Variants in TTYH2 observed in about 807,000 individuals in gnomAD.
TTYH2 encodes protein tweety homolog 2.
TTYH2 carries 49 observed loss-of-function variants against 68.3 expected under a neutral mutation model. The observed-to-expected ratio is 0.72, with a 90% CI of 0.57 to 0.91. TTYH2 has a LOEUF of 0.91. Among genes scored for constraint, TTYH2 ranks in the 40% least tolerant of loss-of-function variants. The pLI, the probability that TTYH2 is intolerant of heterozygous loss-of-function variation, is 0.00. For missense variants in TTYH2, 631 were observed against 700.4 expected, an observed-to-expected ratio of 0.90 and a Z score of 1.12; for synonymous variants, 272 against 300.8, an observed-to-expected ratio of 0.90 and a Z score of 0.99.
rs776978996 is a variant in TTYH2, at chr17:74,230,865, T to G, written c.303-23T>G. ...TCTCCTCTGTGTATCACCTCTAACCTCTGTTTGGGATCTTGCTTATAGTGC... is the reference window on the plus strand; with the variant it reads ...TCTCCTCTGTGTATCACCTCTAACCGCTGTTTGGGATCTTGCTTATAGTGC... On this transcript the variant is annotated intron_variant, in intron 2 of 13. Coordinates refer to ENST00000269346, the MANE Select transcript of TTYH2 (RefSeq NM_032646.6). The G allele has an allele frequency of 1.1e-5, 17 of 1,612,092 alleles. No homozygotes were observed. The Middle Eastern group carries it at 8.3e-4, about 78-fold the overall frequency.
intron 13 of TTYH2, among the ~76,000 whole-genome samples, chr17:74,258,600 AGCT>A (rs796139461): frequency 3.9e-5 from 6 of 151,914 alleles, no homozygotes; most frequent in African/African-American, 1.4e-4. Context: ...TCCTAGGTAA[AGCT>A]GCTGCTGCTG....
intron 7 of TTYH2, 58 bp downstream of exon 7, chr17:74,249,138 C>T: frequency 6.2e-7 from 1 of 1,607,588 alleles, no homozygotes; most frequent in South Asian, 1.1e-5. Context: ...ACTCTGTGCC[C>T]CTACTTACCT....
In TTYH2 at chr17:74,249,079, A is replaced by C. The variant is rs767683463; in HGVS notation, c.873A>C (p.Thr291=). ...ILNVTEGQIS[T]EVTRYYLYCS... ...ACGTCACGGAGGGCCAGATCAGCAC[A>C]GGTAACTACACACTCTCAGGCTGCT... The change falls in exon 7 of 14, where the codon ACA becomes ACC. Residue 291 remains threonine (T), a splice_region_variant and synonymous_variant. Transcript: ENST00000269346. 8.1e-6 allele frequency: 13 copies of C among 1,614,012 alleles called. No homozygotes were observed. In the African/African-American group the frequency reaches 1.6e-4, roughly 20 times the overall value.
rs896127871 is a variant in TTYH2, at chr17:74,232,477, C to T, written c.414+1478C>T. Reference sequence around the variant, plus strand: ...GAGATGCTAGTCTGGAACAGCCTTGCGCGGTGAGCTGGGGCGGCTGGGTTG... The same window carrying T: ...GAGATGCTAGTCTGGAACAGCCTTGTGCGGTGAGCTGGGGCGGCTGGGTTG... On this transcript the variant is annotated intron_variant, in intron 3 of 13. Coordinates refer to ENST00000269346, the MANE Select transcript of TTYH2 (RefSeq NM_032646.6). The surrounding 1 kb of genome is among the most constrained non-coding windows in gnomAD (Gnocchi z 5.1). Among the ~76,000 whole-genome samples the T allele has an allele frequency of 4.6e-5, 7 of 152,208 alleles. No individual in the cohort carries two copies. Among genetic ancestry groups the T allele is most frequent in the Admixed American group, 3.9e-4 (6 of 15,292 alleles).
In TTYH2 at chr17:74,260,635, A is replaced by C; in HGVS notation, c.*426A>C. 9.2e-6 allele frequency: 2 copies of C among 216,626 alleles called. No homozygotes were observed. The highest frequency in any genetic ancestry group is 4.9e-5 in the Admixed American group (1 of 20,510). 13.4% of individuals were successfully genotyped at this position (216,626 alleles called of 1,614,324 possible). A position where few individuals can be genotyped will look rare whatever the true frequency, so the allele number is the denominator to read the frequency against. On this transcript the variant is annotated 3_prime_UTR_variant, in exon 14 of 14. Coordinates refer to ENST00000269346, the MANE Select transcript of TTYH2 (RefSeq NM_032646.6). ...GTCAGCCCAGCCAAGAGCCCAGACG[A>C]CCCCTCTGTCCTCGTTCCCTGTCCT...
Position 74,239,140 on chromosome 17 carries a change from C to T in TTYH2, c.635+1626C>T, listed in dbSNP as rs909112465. 6.6e-6 allele frequency among the ~76,000 whole-genome samples: 1 copy of T among 152,188 alleles called. No individual in the cohort carries two copies. Among genetic ancestry groups the T allele is most frequent in the Non-Finnish European group, 1.5e-5 (1 of 68,032 alleles). ...ACATCTCCCCTGCCTCCCCATTTGC[C>T]AAATCCCAGCCTAGCCAGAGGCACT... On this transcript the variant is annotated intron_variant, in intron 4 of 13. Coordinates refer to ENST00000269346, the MANE Select transcript of TTYH2 (RefSeq NM_032646.6). This position sits in a 1 kb window ranked among gnomAD's most constrained non-coding sequence, Gnocchi z 5.3.
In TTYH2 at chr17:74,239,391, C is replaced by T. The variant is rs923661132; in HGVS notation, c.635+1877C>T. Among the ~76,000 whole-genome samples, 1 of 152,188 alleles carries T rather than the reference C, an allele frequency of 6.6e-6. No individual in the cohort carries two copies. The highest frequency in any genetic ancestry group is 1.5e-5 in the Non-Finnish European group (1 of 68,030). On this transcript the variant is annotated intron_variant, in intron 4 of 13. Transcript: ENST00000269346. This position sits in a 1 kb window ranked among gnomAD's most constrained non-coding sequence, Gnocchi z 5.3. Reference sequence around the variant, plus strand: ...AGGAGCGAGTGTCAGTTCTTTGGATCCCTCCCCGCACCCTCCATTTGTTGG... The same window carrying T: ...AGGAGCGAGTGTCAGTTCTTTGGATTCCTCCCCGCACCCTCCATTTGTTGG...
At chr17:74,245,577 T>C (rs1271027687) in intron 6 of TTYH2, among the ~76,000 whole-genome samples, 1 of 152,222 alleles carries the variant, frequency 6.6e-6, no homozygotes, top group Admixed American at 6.5e-5. Flanking sequence ...CCAGAGGCCA[T>C]TTAATCTCCC....
chr17:74,213,772 C>T lies in TTYH2; in HGVS notation c.129+56C>T. ...CGCGCGCCCCAAGTCCCCGCACTAC[C>T]CCCTCTCCCCTCGAGAGCCTGCACT... On this transcript the variant is annotated intron_variant, in intron 1 of 13. Transcript: ENST00000269346. The surrounding 1 kb of genome is among the most constrained non-coding windows in gnomAD (Gnocchi z 6.1). 1 of 1,579,926 alleles carries T rather than the reference C, an allele frequency of 6.3e-7. No homozygotes were observed. Among genetic ancestry groups the T allele is most frequent in the Admixed American group, 1.7e-5 (1 of 57,558 alleles).
chr17:74,254,599 G>C (rs1332154004), intron 13 of TTYH2, among the ~76,000 whole-genome samples: 4 of 152,194 alleles, frequency 2.6e-5, no homozygotes, highest in Admixed American at 1.3e-4. Context: ...CCTGATGTTT[G>C]TACTTCCAAG....
chr17:74,246,986 C>G (rs1302162002), intron 6 of TTYH2, among the ~76,000 whole-genome samples: 1 of 151,946 alleles, frequency 6.6e-6, no homozygotes, highest in African/African-American at 2.4e-5. Flanking sequence ...AGTTCAAAAC[C>G]AGCCTGACCA....
At chr17:74,250,235 T>G in intron 9 of TTYH2, 30 bp from the exon 10 acceptor site, 2 of 1,566,552 alleles carry the variant, frequency 1.3e-6, no homozygotes, top group Non-Finnish European at 1.7e-6. Flanking sequence ...CCACAGCCCC[T>G]CGGCCTCTCT....
chr17:74,223,073 C>A (rs56980575), intron 2 of TTYH2, among the ~76,000 whole-genome samples: 264 of 148,172 alleles, frequency 1.8e-3, no homozygotes, highest in African/African-American at 6.6e-3. Flanking sequence ...GTGCCGTTAG[C>A]CAGTTCTTTG....
At chr17:74,244,218 G>C (rs1252876420) in intron 6 of TTYH2, 169 bp downstream of exon 6, 1 of 633,014 alleles carries the variant, frequency 1.6e-6, no homozygotes, top group Non-Finnish European at 2.7e-6. Flanking sequence ...TTACAGATGG[G>C]GAAACAGGCC....
At chr17:74,228,620 A>C (rs1298580258) in intron 2 of TTYH2, among the ~76,000 whole-genome samples, 2 of 152,154 alleles carry the variant, frequency 1.3e-5, no homozygotes, top group Non-Finnish European at 2.9e-5. Flanking sequence ...ATACAGCACT[A>C]TAGGAAGGAG....
chr17:74,224,620 AG>A (rs1188735494), intron 2 of TTYH2, among the ~76,000 whole-genome samples: 1 of 152,260 alleles, frequency 6.6e-6, no homozygotes, highest in Non-Finnish European at 1.5e-5. Flanking sequence ...GGGCACCAGC[AG>A]TAAGAAAACA....
intron 2 of TTYH2, among the ~76,000 whole-genome samples, chr17:74,223,908 C>G (rs2050304195): frequency 6.6e-6 from 1 of 152,176 alleles, no homozygotes; most frequent in Non-Finnish European, 1.5e-5. Context: ...GGAGGCTCAC[C>G]TAAGCCAAAA....
intron 3 of TTYH2, among the ~76,000 whole-genome samples, chr17:74,233,073 T>G (rs780845841): frequency 6.4e-4 from 98 of 152,310 alleles, no homozygotes; most frequent in Non-Finnish European, 1.1e-3. Flanking sequence ...CCCCTCGTCC[T>G]CTCCGTTGTT....
At chr17:74,228,880 C>G (rs1306574236) in intron 2 of TTYH2, among the ~76,000 whole-genome samples, 1 of 152,188 alleles carries the variant, frequency 6.6e-6, no homozygotes. Context: ...ACAGTGATGG[C>G]ATGGGCAAGG....
Sources: allele counts gnomAD v4.1 joint callset (sites outside exome capture counted in the v4.1 genomes callset), GRCh38; gene constraint gnomAD v4.1.1; non-coding constraint Gnocchi (gnomAD v3.1); transcripts MANE v1.5; gene names NCBI Gene and HGNC (gene_info 2026-07-23, HGNC 2026-07-21).